IGF1: variants seen among roughly 807,000 people sequenced by gnomAD.
The protein encoded by IGF1 is insulin like growth factor 1, also known as insulin-like growth factor 1.
A neutral mutation model predicts 13.8 loss-of-function variants in IGF1; 4 were observed. That is an observed-to-expected ratio of 0.29 (90% confidence interval 0.14 to 0.66). The LOEUF is 0.66. IGF1 is among the 30% of genes least tolerant of loss of function. The pLI, the probability that IGF1 is intolerant of heterozygous loss-of-function variation, is 0.78. For synonymous variants in IGF1, 76 were observed against 72.6 expected (o/e 1.05, Z -0.23); for missense variants, 124 against 188.5 (o/e 0.66, Z 2.00).
intron 2 of IGF1, among the ~76,000 whole-genome samples, chr12:102,446,566 G>C (rs1878349469): frequency 6.6e-6 from 1 of 152,092 alleles, no homozygotes; most frequent in African/African-American, 2.4e-5. Flanking sequence ...GATCGGTGGT[G>C]ATACCCCCTT....
intron 2 of IGF1, among the ~76,000 whole-genome samples, chr12:102,459,206 A>G (rs986145976): frequency 2.0e-5 from 3 of 152,226 alleles, no homozygotes; most frequent in Admixed American, 2.0e-4. Flanking sequence ...GTAGGGATAC[A>G]TTAAGAAAGT....
intron 2 of IGF1, among the ~76,000 whole-genome samples, chr12:102,475,283 T>C (rs1156942198): frequency 6.6e-6 from 1 of 152,142 alleles, no homozygotes; most frequent in Non-Finnish European, 1.5e-5. Context: ...GTGTTCCATA[T>C]GTTTATATGT....
chr12:102,450,675 T>C (rs1395815322), intron 2 of IGF1, among the ~76,000 whole-genome samples: 1 of 152,256 alleles, frequency 6.6e-6, no homozygotes, highest in African/African-American at 2.4e-5. Context: ...TTGGGAGACT[T>C]AAATAAGTTC....
intron 2 of IGF1, among the ~76,000 whole-genome samples, chr12:102,443,465 A>G (rs1035113552): frequency 6.6e-6 from 1 of 152,042 alleles, no homozygotes; most frequent in Admixed American, 6.5e-5. Flanking sequence ...GGTCTTGAAG[A>G]TTTTGTGGCA....
intron 2 of IGF1, among the ~76,000 whole-genome samples, chr12:102,459,042 G>A (rs1213495386): frequency 6.6e-6 from 1 of 152,154 alleles, no homozygotes; most frequent in Non-Finnish European, 1.5e-5. Context: ...GGGGTTTTTG[G>A]TAAAGCAGAA....
At chr12:102,479,174 A>G (rs1881254655) in intron 1 of IGF1, among the ~76,000 whole-genome samples, 1 of 152,234 alleles carries the variant, frequency 6.6e-6, no homozygotes, top group Non-Finnish European at 1.5e-5. Context: ...TTTCTTTGAA[A>G]GCAAGGTGGC....
chr12:102,448,710 A>T (rs970578832), intron 2 of IGF1, among the ~76,000 whole-genome samples: 3 of 151,382 alleles, frequency 2.0e-5, no homozygotes, highest in Non-Finnish European at 2.9e-5. Flanking sequence ...AAAAAAAAAA[A>T]AAAAAATCTC....
chr12:102,428,690 T>A lies in IGF1; in HGVS notation c.221-9000A>T, dbSNP rs185674612. Reference sequence around the variant, plus strand: ...CTTTTATTCTTCACAAAGCCGCATCTTCATAAGGTAAACAAATGACTCTTT... The same window carrying A: ...CTTTTATTCTTCACAAAGCCGCATCATCATAAGGTAAACAAATGACTCTTT... On this transcript the variant is annotated intron_variant, in intron 2 of 3. Coordinates refer to ENST00000337514, the MANE Select transcript of IGF1 (RefSeq NM_000618.5). Among the ~76,000 whole-genome samples, 210 of 152,342 alleles carry A rather than the reference T, an allele frequency of 1.4e-3. 1 individual carries two copies. Among genetic ancestry groups the A allele is most frequent in the African/African-American group, 4.8e-3 (201 of 41,584 alleles).
intron 2 of IGF1, among the ~76,000 whole-genome samples, chr12:102,444,570 G>A (rs1878151734): frequency 6.6e-6 from 1 of 152,012 alleles, no homozygotes; most frequent in African/African-American, 2.4e-5. Context: ...ACTCTTTATA[G>A]ATTAAATATT....
chr12:102,449,116 C>T (rs559639400), intron 2 of IGF1, among the ~76,000 whole-genome samples: 1 of 152,230 alleles, frequency 6.6e-6, no homozygotes, highest in Non-Finnish European at 1.5e-5. Context: ...TATTGCAGCA[C>T]TATTCACAAT....
chr12:102,477,288 A>G (rs1051725070), intron 1 of IGF1, among the ~76,000 whole-genome samples: 2 of 151,716 alleles, frequency 1.3e-5, no homozygotes, highest in Non-Finnish European at 2.9e-5. Context: ...AAAAAAAAAA[A>G]CCAAAACCCC....
At chr12:102,406,087 A>T (rs542464801) in intron 3 of IGF1, among the ~76,000 whole-genome samples, 1 of 152,342 alleles carries the variant, frequency 6.6e-6, no homozygotes, top group African/African-American at 2.4e-5. Context: ...CATGATTCCC[A>T]TGCACACACG....
chr12:102,410,666 C>A (rs895072296), intron 3 of IGF1, among the ~76,000 whole-genome samples: 3 of 152,072 alleles, frequency 2.0e-5, no homozygotes, highest in Admixed American at 1.3e-4. Flanking sequence ...GGGTTTTTAC[C>A]TTTTGGTGTC....
chr12:102,460,974 C>T (rs1272522171), intron 2 of IGF1, among the ~76,000 whole-genome samples: 1 of 152,136 alleles, frequency 6.6e-6, no homozygotes, highest in African/African-American at 2.4e-5. Flanking sequence ...ACAATTATCA[C>T]ATTTCAAAGG....
intron 3 of IGF1, among the ~76,000 whole-genome samples, chr12:102,415,078 A>G (rs1874967954): frequency 1.3e-5 from 2 of 152,222 alleles, no homozygotes; most frequent in Non-Finnish European, 2.9e-5. Context: ...TTCCAAACAT[A>G]CAATACTTGT....
intron 2 of IGF1, among the ~76,000 whole-genome samples, chr12:102,433,756 A>T (rs893295255): frequency 5.9e-5 from 9 of 152,286 alleles, no homozygotes; most frequent in African/African-American, 2.2e-4. Flanking sequence ...GTACAAAGAG[A>T]GAAGCAATAG....
At chr12:102,404,590 A>G (rs1873974582) in intron 3 of IGF1, among the ~76,000 whole-genome samples, 1 of 152,180 alleles carries the variant, frequency 6.6e-6, no homozygotes, top group South Asian at 2.1e-4. Flanking sequence ...AAAAGGAAAA[A>G]AAGATGGTAG....
chr12:102,441,915 C>CCTTCTTCTTCTTCTTCTTCTTCTT lies in IGF1; in HGVS notation c.221-22249_221-22226dup, dbSNP rs57084343. Among the ~76,000 whole-genome samples, 133 of 122,126 alleles carry CCTTCTTCTTCTTCTTCTTCTTCTT rather than the reference C, an allele frequency of 1.1e-3. 3 individuals are homozygous for CCTTCTTCTTCTTCTTCTTCTTCTT. Among genetic ancestry groups the CCTTCTTCTTCTTCTTCTTCTTCTT allele is most frequent in the African/African-American group, 3.1e-3 (102 of 32,500 alleles). 80.1% of individuals were successfully genotyped at this position (122,126 alleles called of 152,430 possible). ...GTCATTCTATTACACTGCTTCTTCTCCTTCTTCTTCTTCTTCTTCTTCTTC... is the reference window on the plus strand; with the variant it reads ...GTCATTCTATTACACTGCTTCTTCTCCTTCTTCTTCTTCTTCTTCTTCTTCTTCTTCTTCTTCTTCTTCTTCTTC... On this transcript the variant is annotated intron_variant, in intron 2 of 3. Coordinates refer to ENST00000337514, the MANE Select transcript of IGF1 (RefSeq NM_000618.5).
intron 2 of IGF1, among the ~76,000 whole-genome samples, chr12:102,443,850 C>T (rs977812958): frequency 1.3e-5 from 2 of 151,846 alleles, no homozygotes; most frequent in African/African-American, 2.4e-5. Flanking sequence ...TTTGAGACAG[C>T]GTCTCACTCT....
Sources: gnomAD v4.1 joint callset for allele counts (sites outside exome capture counted in the v4.1 genomes callset) on GRCh38, gnomAD v4.1.1 for gene constraint, MANE v1.5 for transcripts, NCBI Gene and HGNC (gene_info 2026-07-23, HGNC 2026-07-21) for gene names.